The following ADAT2 variants were observed in gnomAD, a reference collection of about 807,000 sequenced individuals.
ADAT2 encodes tRNA-specific adenosine-34 deaminase catalytic subunit ADAT2.
A neutral mutation model predicts 25.9 loss-of-function variants in ADAT2; 26 were observed. That is an observed-to-expected ratio of 1.00 (90% CI 0.74 to 1.39). ADAT2 has a LOEUF of 1.39. Ranked by LOEUF, ADAT2 falls within the 40% of genes most tolerant of loss-of-function variation. The pLI, the probability that ADAT2 is intolerant of heterozygous loss-of-function variation, is 0.00. For synonymous variants in ADAT2, 76 were observed against 86.8 expected, an observed-to-expected ratio of 0.88 and a Z score of 0.69; for missense variants, 220 against 244.8, an observed-to-expected ratio of 0.90 and a Z score of 0.68.
In ADAT2 at chr6:143,428,543, G is replaced by C; in HGVS notation, c.533-37C>G. ...ATAGAAAAGAAAAAGAAAATGAAGAGGTAAGCTCATAGCAGATTCTCTTTG... is the reference window on the plus strand; with the variant it reads ...ATAGAAAAGAAAAAGAAAATGAAGACGTAAGCTCATAGCAGATTCTCTTTG... On this transcript the variant is annotated intron_variant, in intron 5 of 5. Transcript: ENST00000237283. The surrounding 1 kb of genome is among the most constrained non-coding windows in gnomAD (Gnocchi z 5.0). 6.2e-7 allele frequency: 1 copy of C among 1,612,790 alleles called. No homozygotes were observed. The highest frequency in any genetic ancestry group is 8.5e-7 in the Non-Finnish European group (1 of 1,179,048).
chr6:143,438,612 T>C lies in ADAT2; in HGVS notation c.179A>G (p.Asn60Ser). 6.2e-7 allele frequency: 1 copy of C among 1,613,346 alleles called. No homozygotes were observed. The highest frequency in any genetic ancestry group is 8.5e-7 in the Non-Finnish European group (1 of 1,179,412). Residue 60 changes from asparagine (N) to serine (S), a missense_variant, in exon 2 of 6, where the codon AAT (asparagine) becomes AGT (serine). Transcript: ENST00000237283. ...TACATTTTTGGTTTGGTTAACTTCATTTCTCCCCTTCCCTACAACTTCATT... is the reference window on the plus strand; with the variant it reads ...TACATTTTTGGTTTGGTTAACTTCACTTCTCCCCTTCCCTACAACTTCATT... ...YNNEVVGKGR[N>S]EVNQTKNATR...
At position 143,426,126 on chromosome 6, in the gene ADAT2, A is replaced by T. The variant is rs2128737017; in HGVS notation, c.*2337T>A. On this transcript the variant is annotated 3_prime_UTR_variant, in exon 6 of 6. Transcript: ENST00000237283. The surrounding 1 kb of genome is among the most constrained non-coding windows in gnomAD (Gnocchi z 4.1). ...CTTTTTGTATCTCACCACTTTCAGA[A>T]CTATTTTGTACACAAAACAAGTCTT... The T allele has an allele frequency of 6.6e-6, 1 of 152,328 alleles. No individual in the cohort carries two copies. Among genetic ancestry groups the T allele is most frequent in the East Asian group, 1.9e-4 (1 of 5,186 alleles). 9.4% of individuals were successfully genotyped at this position (152,328 alleles called of 1,614,324 possible).
Position 143,432,252 on chromosome 6 carries a change from G to A in ADAT2, c.459+253C>T, listed in dbSNP as rs951541675. Among the ~76,000 whole-genome samples the A allele has an allele frequency of 5.9e-5, 9 of 152,034 alleles. No homozygotes were observed. Among genetic ancestry groups the A allele is most frequent in the African/African-American group, 9.7e-5 (4 of 41,354 alleles). On this transcript the variant is annotated intron_variant, in intron 4 of 5. Transcript: ENST00000237283. This position sits in a 1 kb window ranked among gnomAD's most constrained non-coding sequence, Gnocchi z 4.4. ...CTAACGGTGTTGGTGAAGAGTGTTC[G>A]GAGTCAGCTGCGAAGGGTGGACTCT... is the stretch of plus-strand genomic sequence containing the variant.
chr6:143,450,474 C>A (rs1779729631), intron 1 of ADAT2, 89 bp downstream of exon 1: 17 of 1,396,036 alleles, frequency 1.2e-5, no homozygotes, highest in Non-Finnish European at 3.0e-6. Context: ...ATTATGGTGA[C>A]GAGAAAGAAC....
chr6:143,434,081 C>A lies in ADAT2; in HGVS notation c.202-100G>T. ...AGTACAAAATATGCGCCTATCCTTT[C>A]TGCCAATATTTTAATGAATACAGTT... is the stretch of plus-strand genomic sequence containing the variant. On this transcript the variant is annotated intron_variant, in intron 2 of 5. Transcript: ENST00000237283. This position sits in a 1 kb window ranked among gnomAD's most constrained non-coding sequence, Gnocchi z 4.5. The A allele has an allele frequency of 7.0e-7, 1 of 1,428,864 alleles. No individual in the cohort carries two copies. The highest frequency in any genetic ancestry group is 1.3e-5 in the South Asian group (1 of 78,758). 88.5% of individuals were successfully genotyped at this position (1,428,864 alleles called of 1,614,324 possible). A position where few individuals can be genotyped will look rare whatever the true frequency, so the allele number is the denominator to read the frequency against.
intron 1 of ADAT2, chr6:143,445,009 C>T (rs1562645007): frequency 8.0e-7 from 1 of 1,246,646 alleles, no homozygotes; most frequent in Admixed American, 2.3e-5. Flanking sequence ...ACAAGTTAGC[C>T]AGAACTCTCA....
In ADAT2 at chr6:143,424,145, G is replaced by A. The variant is rs1367292659; in HGVS notation, c.*4318C>T. 2.0e-5 allele frequency: 3 copies of A among 152,086 alleles called. No individual in the cohort carries two copies. The highest frequency in any genetic ancestry group is 6.5e-5 in the Admixed American group (1 of 15,270). 9.4% of individuals were successfully genotyped at this position (152,086 alleles called of 1,614,324 possible). A position where few individuals can be genotyped will look rare whatever the true frequency, so the allele number is the denominator to read the frequency against. ...CACCAGTCTAATCCATAAAAATCAC[G>A]TCGCCCATCGCTCCTTTCCTCACTA... On this transcript the variant is annotated 3_prime_UTR_variant, in exon 6 of 6. Coordinates refer to ENST00000237283, the MANE Select transcript of ADAT2 (RefSeq NM_182503.3). The surrounding 1 kb of genome is among the most constrained non-coding windows in gnomAD (Gnocchi z 4.8).
intron 3 of ADAT2, among the ~76,000 whole-genome samples, chr6:143,433,520 T>C (rs1373678226): frequency 1.3e-5 from 2 of 152,232 alleles, no homozygotes; most frequent in African/African-American, 2.4e-5. Context: ...TTTAGGACTT[T>C]TCCTTTGCAA....
At position 143,424,708 on chromosome 6, in the gene ADAT2, G is replaced by C. The variant is rs1778880075; in HGVS notation, c.*3755C>G. The C allele has an allele frequency of 6.6e-6, 1 of 152,146 alleles. No homozygotes were observed. The highest frequency in any genetic ancestry group is 1.5e-5 in the Non-Finnish European group (1 of 68,020). The allele number at this position is 152,146 out of a possible 1,614,324, so 9.4% of individuals were successfully genotyped here. A position where few individuals can be genotyped will look rare whatever the true frequency, so the allele number is the denominator to read the frequency against. On this transcript the variant is annotated 3_prime_UTR_variant, in exon 6 of 6. Transcript: ENST00000237283. This position sits in a 1 kb window ranked among gnomAD's most constrained non-coding sequence, Gnocchi z 4.8. ...CAGGCTTAATTTTGATGCTTATTAAGATATCACTATTTAAAACATTCTTAT... is the reference window on the plus strand; with the variant it reads ...CAGGCTTAATTTTGATGCTTATTAACATATCACTATTTAAAACATTCTTAT...
intron 1 of ADAT2, chr6:143,441,481 C>G (rs1779454423): frequency 6.6e-6 from 1 of 152,378 alleles, no homozygotes; most frequent in Non-Finnish European, 1.5e-5. Context: ...GCATCTGCTT[C>G]CAGTGAGGGC....
In ADAT2 at chr6:143,444,884, T is replaced by C. The variant is rs917562919; in HGVS notation, c.96+5679A>G. The C allele has an allele frequency of 7.9e-6, 10 of 1,265,900 alleles. No individual in the cohort carries two copies. The highest frequency in any genetic ancestry group is 1.0e-5 in the Non-Finnish European group (10 of 959,062). 78.4% of individuals were successfully genotyped at this position (1,265,900 alleles called of 1,614,324 possible). On this transcript the variant is annotated intron_variant, in intron 1 of 5. Transcript: ENST00000237283. This position sits in a 1 kb window ranked among gnomAD's most constrained non-coding sequence, Gnocchi z 4.3. ...CAAAGACATTACTACTATAAACTGC[T>C]TTCTAGTGATGTCATGATAAAAGGG...
rs533274379 is a variant in ADAT2 at position 143,446,742 on chromosome 6, C to T, written c.96+3821G>A. On this transcript the variant is annotated intron_variant, in intron 1 of 5. Transcript: ENST00000237283. This position sits in a 1 kb window ranked among gnomAD's most constrained non-coding sequence, Gnocchi z 5.0. The stretch of plus-strand genomic sequence containing the variant: ...CAGATGACAGGCCTCAAATCACAGC[C>T]CCATCCTTCCCAGCTCTCTAACTTT... 6.6e-6 allele frequency among the ~76,000 whole-genome samples: 1 copy of T among 151,730 alleles called. No homozygotes were observed. The highest frequency in any genetic ancestry group is 1.9e-4 in the East Asian group (1 of 5,138).
intron 1 of ADAT2, among the ~76,000 whole-genome samples, chr6:143,439,748 T>C (rs1583984286): frequency 6.6e-6 from 1 of 152,200 alleles, no homozygotes; most frequent in East Asian, 1.9e-4. Flanking sequence ...TTTCTGGATC[T>C]TGATAAAGAC....
Position 143,436,475 on chromosome 6 carries a change from T to A in ADAT2, c.201+2115A>T, listed in dbSNP as rs1671799971. 2 of 277,172 alleles carry A rather than the reference T, an allele frequency of 7.2e-6. No individual in the cohort carries two copies. Among genetic ancestry groups the A allele is most frequent in the Non-Finnish European group, 1.5e-5 (2 of 135,820 alleles). The allele number at this position is 277,172 out of a possible 1,614,324, so 17.2% of individuals were successfully genotyped here. ...GGACTAAAAACGTCCACCACTTTCA[T>A]CAGTAACAACACGGCCATCCAGGAG... is the stretch of plus-strand genomic sequence containing the variant. On this transcript the variant is annotated intron_variant, in intron 2 of 5. Transcript: ENST00000237283. The surrounding 1 kb of genome is among the most constrained non-coding windows in gnomAD (Gnocchi z 4.1).
rs1281197465 is a variant in ADAT2, at chr6:143,437,752, C to T, written c.201+838G>A. Reference sequence around the variant, plus strand: ...CTAGTTCCCACAGCCCTGGTATCAACACCAGCTTATTCTCTGGCTCCCAAA... The same window carrying T: ...CTAGTTCCCACAGCCCTGGTATCAATACCAGCTTATTCTCTGGCTCCCAAA... On this transcript the variant is annotated intron_variant, in intron 2 of 5. Coordinates refer to ENST00000237283, the MANE Select transcript of ADAT2 (RefSeq NM_182503.3). The surrounding 1 kb of genome is among the most constrained non-coding windows in gnomAD (Gnocchi z 4.1). Among the ~76,000 whole-genome samples the T allele has an allele frequency of 6.6e-6, 1 of 152,182 alleles. No individual in the cohort carries two copies. The highest frequency in any genetic ancestry group is 1.9e-4 in the East Asian group (1 of 5,196).
chr6:143,446,922 A>G lies in ADAT2; in HGVS notation c.96+3641T>C, dbSNP rs1420841082. Among the ~76,000 whole-genome samples, 1 of 152,206 alleles carries G rather than the reference A, an allele frequency of 6.6e-6. No individual in the cohort carries two copies. The highest frequency in any genetic ancestry group is 1.5e-5 in the Non-Finnish European group (1 of 68,036). ...ATCTGGAACACACCAAGAGTGCAAC[A>G]CTATTACTTAGTCATACTTCTTTTT... is the stretch of plus-strand genomic sequence containing the variant. On this transcript the variant is annotated intron_variant, in intron 1 of 5. Coordinates refer to ENST00000237283, the MANE Select transcript of ADAT2 (RefSeq NM_182503.3). The surrounding 1 kb of genome is among the most constrained non-coding windows in gnomAD (Gnocchi z 5.0).
intron 3 of ADAT2, among the ~76,000 whole-genome samples, chr6:143,433,221 T>C (rs1197829795): frequency 2.0e-5 from 3 of 152,140 alleles, no homozygotes; most frequent in Non-Finnish European, 2.9e-5. Flanking sequence ...AAAGCTGAGT[T>C]TTTCAATTTT....
rs1779294095 is a variant in ADAT2 at position 143,436,677 on chromosome 6, G to A, written c.201+1913C>T. ...ATGCCACTGTTGAGGAGGAGGGAGA[G>A]TCTGAGGAGTGGACTGAGGAAATGG... On this transcript the variant is annotated intron_variant, in intron 2 of 5. Coordinates refer to ENST00000237283, the MANE Select transcript of ADAT2 (RefSeq NM_182503.3). The surrounding 1 kb of genome is among the most constrained non-coding windows in gnomAD (Gnocchi z 4.1). 1 of 306,334 alleles carries A rather than the reference G, an allele frequency of 3.3e-6. No homozygotes were observed. Among genetic ancestry groups the A allele is most frequent in the Non-Finnish European group, 6.5e-6 (1 of 153,600 alleles). The allele number at this position is 306,334 out of a possible 1,614,324, so 19.0% of individuals were successfully genotyped here. A position where few individuals can be genotyped will look rare whatever the true frequency, so the allele number is the denominator to read the frequency against.
In ADAT2 at chr6:143,445,071, A is replaced by C. The variant is rs192224633; in HGVS notation, c.96+5492T>G. On this transcript the variant is annotated intron_variant, in intron 1 of 5. Coordinates refer to ENST00000237283, the MANE Select transcript of ADAT2 (RefSeq NM_182503.3). Reference sequence around the variant, plus strand: ...CTAAACTATATAACTGTTTCTGCTAATTACTCTCTTCTGAGTGATTACTCT... The same window carrying C: ...CTAAACTATATAACTGTTTCTGCTACTTACTCTCTTCTGAGTGATTACTCT... 13 of 576,340 alleles carry C rather than the reference A, an allele frequency of 2.3e-5. No homozygotes were observed. In the Admixed American group the frequency reaches 4.1e-4, roughly 18 times the overall value. 35.7% of individuals were successfully genotyped at this position (576,340 alleles called of 1,614,324 possible).
Sources: gnomAD v4.1 joint callset for allele counts (sites outside exome capture counted in the v4.1 genomes callset) on GRCh38, gnomAD v4.1.1 for gene constraint, Gnocchi (gnomAD v3.1) non-coding constraint, MANE v1.5 for transcripts, NCBI Gene and HGNC (gene_info 2026-07-23, HGNC 2026-07-21) for gene names.